NBPF9: variants seen among roughly 807,000 people sequenced by gnomAD.
The protein encoded by NBPF9 is NBPF member 9, also known as NBPF family member NBPF9.
NBPF9 carries 91 observed loss-of-function variants against 97.8 expected under a neutral mutation model. The ratio of observed to expected loss-of-function variants is 0.93; its 90% confidence interval spans 0.79 to 1.11. NBPF9 has a LOEUF of 1.11. NBPF9 is among the 50% of genes least tolerant of loss of function. NBPF9 has a pLI of 0.00. For synonymous variants in NBPF9, 334 were observed against 359.5 expected (o/e 0.93, Z 0.80); for missense variants, 992 against 939.5 (o/e 1.06, Z -0.73).
At chr1:149,076,341 G>A (rs1404580891) in intron 11 of NBPF9, among the ~76,000 whole-genome samples, 4 of 150,932 alleles carry the variant, frequency 2.7e-5, no homozygotes, top group African/African-American at 7.3e-5. Flanking sequence ...GGGATTACAA[G>A]GGCCAAGTAA....
rs1422923331 is a variant in NBPF9 at position 149,072,001 on chromosome 1, G to A, written c.1307-325C>T. ...TGCCAGATCTGATTCCCAGGCACAG[G>A]CTTGGTGTCCTGTCACGGTTTGCAT... On this transcript the variant is annotated intron_variant, in intron 14 of 29. Coordinates refer to ENST00000584027, the Ensembl canonical transcript of NBPF9. Among the ~76,000 whole-genome samples, 9 of 147,030 alleles carry A rather than the reference G, an allele frequency of 6.1e-5. No individual in the cohort carries two copies. In the South Asian group the frequency reaches 1.6e-3, roughly 26 times the overall value.
rs587680796 is a variant in NBPF9 at position 149,074,449 on chromosome 1, G to A, written c.989-579C>T. 6.7e-4 allele frequency among the ~76,000 whole-genome samples: 101 copies of A among 151,700 alleles called. 1 individual carries two copies. Among genetic ancestry groups the A allele is most frequent in the African/African-American group, 2.3e-3 (97 of 41,448 alleles). On this transcript the variant is annotated intron_variant, in intron 12 of 29. Transcript: ENST00000584027. Reference sequence around the variant, plus strand: ...ATGCCCAAATGCTAATAAAGTTTGTGTTAATTTAGAAACAGCAGAATGAAG... The same window carrying A: ...ATGCCCAAATGCTAATAAAGTTTGTATTAATTTAGAAACAGCAGAATGAAG...
chr1:149,064,971 G>T, intron 18 of NBPF9: 1 of 534,854 alleles, frequency 1.9e-6, no homozygotes, highest in East Asian at 3.8e-5. Context: ...TGAAAAGTCA[G>T]CCATTTATCT....
chr1:149,097,888 G>A (rs1354568732), intron 4 of NBPF9, among the ~76,000 whole-genome samples: 1 of 152,042 alleles, frequency 6.6e-6, no homozygotes, highest in Non-Finnish European at 1.5e-5. Context: ...GATGGGAACG[G>A]CCTTCAAAAG....
At chr1:149,094,066 T>C (rs2081587301) in intron 4 of NBPF9, among the ~76,000 whole-genome samples, 1 of 151,256 alleles carries the variant, frequency 6.6e-6, no homozygotes, top group South Asian at 2.1e-4. Flanking sequence ...ACTCAGGAGG[T>C]GGAGGTTGCA....
At chr1:149,091,044 T>C in intron 4 of NBPF9, 150 bp from the exon 5 acceptor site, 2 of 100,948 alleles carry the variant, frequency 2.0e-5, no homozygotes, top group Non-Finnish European at 3.2e-5. Context: ...GGTCACAGGA[T>C]TCTTTATATG....
chr1:149,082,957 C>CTTTTTTTTTTTATTTTTTTTTTTTTT (rs2080629458), intron 5 of NBPF9, among the ~76,000 whole-genome samples: 1 of 66,470 alleles, frequency 1.5e-5, no homozygotes, highest in Non-Finnish European at 2.6e-5. Flanking sequence ...TTTTTCTTTT[C>CTTTTTTTTTTTATTTTTTTTTTTTTT]TTTTTTTTTT....
At chr1:149,079,322 T>C (rs1352119226) in intron 8 of NBPF9, 101 bp from the exon 9 acceptor site, 1 of 1,269,166 alleles carries the variant, frequency 7.9e-7, no homozygotes, top group Admixed American at 1.7e-5. Context: ...CAAGGAGACC[T>C]TGAAACAGAA....
chr1:149,079,041 T>G, exon 9 of NBPF9: 11 of 1,518,892 alleles, frequency 7.2e-6, no homozygotes, highest in Non-Finnish European at 1.0e-5. Flanking sequence ...GCTGTGCCAG[T>G]CTACACCCCT....
In NBPF9 at chr1:149,072,882, CT is replaced by C. The variant is rs1298040402; in HGVS notation, c.1141del (p.Arg381GlyfsTer14). On this transcript the variant is annotated frameshift_variant, in exon 14 of 30. Transcript: ENST00000584027. LOFTEE classifies it high-confidence loss of function. ...ATCTCTCCCTTCCCGCAACTTCTCC[CT>C]TAACTGGGTCAGCTCTCGTTCCTGA... The C allele has an allele frequency of 6.2e-7, 1 of 1,603,552 alleles. No homozygotes were observed. Among genetic ancestry groups the C allele is most frequent in the Non-Finnish European group, 8.5e-7 (1 of 1,173,586 alleles).
chr1:149,079,662 A>G (rs1463537349), intron 8 of NBPF9, among the ~76,000 whole-genome samples: 2 of 150,972 alleles, frequency 1.3e-5, no homozygotes, highest in Non-Finnish European at 2.9e-5. Context: ...AGGGTCGAGA[A>G]GGCAACATTG....
At chr1:149,071,878 T>C (rs1387023540) in intron 14 of NBPF9, among the ~76,000 whole-genome samples, 1 of 151,758 alleles carries the variant, frequency 6.6e-6, no homozygotes, top group African/African-American at 2.4e-5. Flanking sequence ...AGGGCCACCA[T>C]CAACATGTGG....
In NBPF9 at chr1:149,079,481, C is replaced by T. The variant is rs1272555740; in HGVS notation, c.279-260G>A. On this transcript the variant is annotated intron_variant, in intron 8 of 29. Coordinates refer to ENST00000584027, the Ensembl canonical transcript of NBPF9. ...TTCTGTAAACAAAAGTAGGTGTCTT[C>T]CTAATTCCCTTTCAGAAAGACATCT... Among the ~76,000 whole-genome samples the T allele has an allele frequency of 2.4e-3, 365 of 150,416 alleles. 2 individuals carry two copies. The highest frequency in any genetic ancestry group is 8.2e-3 in the African/African-American group (335 of 40,856).
chr1:149,069,053 A>G (rs1242089346), intron 17 of NBPF9, among the ~76,000 whole-genome samples: 1 of 152,230 alleles, frequency 6.6e-6, no homozygotes, highest in Non-Finnish European at 1.5e-5. Context: ...AGGCAGAAAT[A>G]AAGACGTTCT....
At chr1:149,093,365 T>G (rs2152922832) in intron 4 of NBPF9, among the ~76,000 whole-genome samples, 1 of 151,966 alleles carries the variant, frequency 6.6e-6, no homozygotes, top group South Asian at 2.1e-4. Flanking sequence ...GATGCCTTCC[T>G]CTTATCTCAA....
intron 4 of NBPF9, among the ~76,000 whole-genome samples, chr1:149,095,193 G>A (rs1210981859): frequency 6.7e-6 from 1 of 150,176 alleles, no homozygotes; most frequent in Admixed American, 6.6e-5. Flanking sequence ...ATCTTCCATG[G>A]AGGTTTAGAG....
At position 149,063,459 on chromosome 1, in the gene NBPF9, A is replaced by G. The variant is rs1455275123; in HGVS notation, c.2026+174T>C. Among the ~76,000 whole-genome samples, 29 of 144,432 alleles carry G rather than the reference A, an allele frequency of 2.0e-4. 3 individuals are homozygous for G. Among genetic ancestry groups the G allele is most frequent in the Middle Eastern group, 7.4e-3 (2 of 272 alleles). The allele number at this position is 144,432 out of a possible 152,430, so 94.8% of individuals were successfully genotyped here. A position where few individuals can be genotyped will look rare whatever the true frequency, so the allele number is the denominator to read the frequency against. On this transcript the variant is annotated intron_variant, in intron 20 of 29. Transcript: ENST00000584027. ...GGAAGAGAGCCTTGCTCACTGACCC[A>G]TCCCTTGTCTGGGCTTCCAAGTGGA...
At chr1:149,103,115 G>A (rs376763599) in intron 1 of NBPF9, among the ~76,000 whole-genome samples, 186 bp downstream of exon 1, 1 of 152,044 alleles carries the variant, frequency 6.6e-6, no homozygotes, top group Non-Finnish European at 1.5e-5. Context: ...GGCGGCAGCG[G>A]CAAGCGAGGA....
rs1318148415 is a variant in NBPF9, at chr1:149,058,809, G to C, written c.2758+116C>G. On this transcript the variant is annotated intron_variant, in intron 26 of 29. Coordinates refer to ENST00000584027, the Ensembl canonical transcript of NBPF9. ...TCATTACAACCTATATGCGCCCATA[G>C]GTCCTGCCTGTGGCAATGACATCTC... 83 of 698,172 alleles carry C rather than the reference G, an allele frequency of 1.2e-4. 4 individuals carry two copies. Among genetic ancestry groups the C allele is most frequent in the South Asian group, 8.5e-4 (57 of 67,132 alleles). 43.2% of individuals were successfully genotyped at this position (698,172 alleles called of 1,614,324 possible).
Sources: gnomAD v4.1 joint callset for allele counts (sites outside exome capture counted in the v4.1 genomes callset) on GRCh38, gnomAD v4.1.1 for gene constraint, MANE v1.5 for transcripts, NCBI Gene and HGNC (gene_info 2026-07-23, HGNC 2026-07-21) for gene names.